AEBP2: variants seen among roughly 807,000 people sequenced by gnomAD.
AEBP2 encodes the protein zinc finger protein AEBP2.
Under a neutral mutation model 50.8 loss-of-function variants are expected in AEBP2, and 10 were observed. The ratio of observed to expected loss-of-function variants is 0.20; its 90% CI spans 0.12 to 0.33. The LOEUF (loss-of-function observed/expected upper bound fraction) is 0.33. AEBP2 is among the 10% of genes least tolerant of loss of function. The pLI is 1.00. For missense variants in AEBP2, 570 were observed against 688.0 expected (o/e 0.83, Z 1.92); for synonymous variants, 296 against 261.3 (o/e 1.13, Z -1.28).
intron 2 of AEBP2, among the ~76,000 whole-genome samples, chr12:19,468,150 G>GTGTGTGTGTGTGTGTA (rs1485402767): frequency 4.6e-4 from 70 of 151,446 alleles, no homozygotes; most frequent in Non-Finnish European, 9.1e-4. Flanking sequence ...GTGTGTGTGT[G>GTGTGTGTGTGTGTGTA]TGTGTGTATG....
In AEBP2 at chr12:19,518,151, G is replaced by T; in HGVS notation, c.*34G>T. 2 of 1,579,704 alleles carry T rather than the reference G, an allele frequency of 1.3e-6. No individual in the cohort carries two copies. The highest frequency in any genetic ancestry group is 2.3e-5 in the East Asian group (1 of 43,498). ...TAAATACATAAAAAGCAAACAAGCG[G>T]GGACACCTGCAGTCTTAGTCACTGA... On this transcript the variant is annotated 3_prime_UTR_variant, in exon 8 of 8. Coordinates refer to ENST00000266508, the MANE Select transcript of AEBP2 (RefSeq NM_153207.5).
At chr12:19,408,228 A>G (rs2153362926) in intron 1 of AEBP2, among the ~76,000 whole-genome samples, 1 of 152,236 alleles carries the variant, frequency 6.6e-6, no homozygotes, top group Non-Finnish European at 1.5e-5. Flanking sequence ...GTTGTTTTGG[A>G]AAGGGAAACT....
At chr12:19,481,124 C>T (rs1400276697) in intron 3 of AEBP2, among the ~76,000 whole-genome samples, 14 of 103,686 alleles carry the variant, frequency 1.4e-4, no homozygotes, top group Admixed American at 1.2e-3. Flanking sequence ...TTTTTGAGAC[C>T]GAGTCTCACT....
chr12:19,428,540 G>A (rs1229382079), intron 1 of AEBP2, among the ~76,000 whole-genome samples: 7 of 152,214 alleles, frequency 4.6e-5, no homozygotes, highest in African/African-American at 1.4e-4. Context: ...GGCTGGGTGC[G>A]GTGGCTCACG....
intron 3 of AEBP2, among the ~76,000 whole-genome samples, chr12:19,478,550 A>G (rs989324489): frequency 6.6e-6 from 1 of 152,086 alleles, no homozygotes; most frequent in Non-Finnish European, 1.5e-5. Flanking sequence ...TAGGCCTCCT[A>G]AAGTGCTGGA....
At chr12:19,482,916 G>A (rs1404597961) in intron 3 of AEBP2, among the ~76,000 whole-genome samples, 28 of 152,142 alleles carry the variant, frequency 1.8e-4, no homozygotes, top group Admixed American at 1.8e-3. Flanking sequence ...CTCCCATGCA[G>A]TGGGTGAAGC....
intron 3 of AEBP2, among the ~76,000 whole-genome samples, chr12:19,477,945 T>C (rs1418584169): frequency 6.6e-6 from 1 of 152,210 alleles, no homozygotes; most frequent in Non-Finnish European, 1.5e-5. Flanking sequence ...GTTTATCCTC[T>C]CCTCTACATT....
intron 5 of AEBP2, among the ~76,000 whole-genome samples, chr12:19,508,005 T>C (rs952997581): frequency 6.6e-6 from 1 of 152,250 alleles, no homozygotes; most frequent in Non-Finnish European, 1.5e-5. Flanking sequence ...ATATTTTCTT[T>C]CGAGCCTTCT....
chr12:19,458,432 A>T (rs1366570365), intron 1 of AEBP2, among the ~76,000 whole-genome samples: 2 of 152,162 alleles, frequency 1.3e-5, no homozygotes, highest in African/African-American at 4.8e-5. Context: ...CGTGCCTCTC[A>T]CCTTGTCTGC....
At chr12:19,494,675 C>T (rs1948944746) in intron 4 of AEBP2, among the ~76,000 whole-genome samples, 1 of 151,842 alleles carries the variant, frequency 6.6e-6, no homozygotes, top group African/African-American at 2.4e-5. Flanking sequence ...CCACCACACC[C>T]AGCCGATAGC....
chr12:19,440,841 AC>A, intron 1 of AEBP2: 3 of 1,317,358 alleles, frequency 2.3e-6, no homozygotes, highest in Non-Finnish European at 2.1e-6. Context: ...CATGGGAGAG[AC>A]CCCAGCTATC....
In AEBP2 at chr12:19,473,416, T is replaced by A. The variant is rs1485658423; in HGVS notation, c.987+61T>A. The stretch of plus-strand genomic sequence containing the variant: ...TTATTTATTTATTTATTTATTTATT[T>A]ATTTATGACAGAAGAGTCTCACTCT... On this transcript the variant is annotated intron_variant, in intron 3 of 7. Transcript: ENST00000266508. The A allele has an allele frequency of 2.9e-4, 206 of 708,312 alleles. 1 individual carries two copies. The African/African-American group carries it at 3.8e-3, about 13-fold the overall frequency. The allele number at this position is 708,312 out of a possible 1,614,324, so 43.9% of individuals were successfully genotyped here.
chr12:19,512,357 T>G, intron 5 of AEBP2, 41 bp from the exon 6 acceptor site: 1 of 1,352,178 alleles, frequency 7.4e-7, no homozygotes, highest in East Asian at 2.5e-5. Flanking sequence ...AAATGATGTT[T>G]TACACATTGT....
At position 19,514,796 on chromosome 12, in the gene AEBP2, C is replaced by T; in HGVS notation, c.1481+12C>T. The T allele has an allele frequency of 6.3e-7, 1 of 1,577,682 alleles. No homozygotes were observed. The highest frequency in any genetic ancestry group is 8.6e-7 in the Non-Finnish European group (1 of 1,156,206). Reference sequence around the variant, plus strand: ...CCAAACATATACAGGTAATTTAATTCTTGCCTTTATGTTTTACTTTTTGAT... The same window carrying T: ...CCAAACATATACAGGTAATTTAATTTTTGCCTTTATGTTTTACTTTTTGAT... On this transcript the variant is annotated intron_variant, in intron 7 of 7. Transcript: ENST00000266508.
chr12:19,434,582 A>T (rs2095753252), upstream of AEBP2, among the ~76,000 whole-genome samples: 1 of 152,206 alleles, frequency 6.6e-6, no homozygotes, highest in African/African-American at 2.4e-5. Context: ...ACAAACCGGG[A>T]ATGCACAGTT....
chr12:19,509,529 T>C (rs1949201702), intron 5 of AEBP2, among the ~76,000 whole-genome samples: 3 of 152,260 alleles, frequency 2.0e-5, no homozygotes, highest in African/African-American at 4.8e-5. Context: ...GCAGATCAGC[T>C]GAGCTCAGGA....
chr12:19,457,232 C>T (rs1322806322), intron 1 of AEBP2: 8 of 1,598,226 alleles, frequency 5.0e-6, no homozygotes, highest in South Asian at 2.2e-5. Context: ...AGGGCATGCT[C>T]CTAGGTTTGT....
intron 3 of AEBP2, among the ~76,000 whole-genome samples, chr12:19,487,334 G>T (rs1948823676): frequency 6.6e-6 from 1 of 151,710 alleles, no homozygotes. Flanking sequence ...CATTTTTAAG[G>T]TTACTGTAGT....
rs556696888 is a variant in AEBP2, at chr12:19,450,370, G to A, written c.671+10000G>A. ...TTGAATTTTTATGAAGCTAACTGAC[G>A]TGTAGGAATCAAATTTAATAGTTTT... is the stretch of plus-strand genomic sequence containing the variant. On this transcript the variant is annotated intron_variant, in intron 1 of 7. Coordinates refer to ENST00000266508, the MANE Select transcript of AEBP2 (RefSeq NM_153207.5). 2.6e-5 allele frequency among the ~76,000 whole-genome samples: 4 copies of A among 151,662 alleles called. No homozygotes were observed. In the South Asian group the frequency reaches 6.3e-4, roughly 24 times the overall value.
Sources: gnomAD v4.1 joint callset for allele counts (sites outside exome capture counted in the v4.1 genomes callset) on GRCh38, gnomAD v4.1.1 for gene constraint, MANE v1.5 for transcripts, NCBI Gene and HGNC (gene_info 2026-07-23, HGNC 2026-07-21) for gene names.